Variants in RAD54B observed in about 807,000 individuals in gnomAD.
RAD54B encodes DNA repair and recombination protein RAD54B.
In RAD54B, 78 loss-of-function variants were observed where a neutral mutation model predicts 95.8. The observed-to-expected ratio is 0.81, with a 90% CI of 0.68 to 0.98. The LOEUF (loss-of-function observed/expected upper bound fraction) is 0.98. Among genes scored for constraint, RAD54B ranks in the 50% least tolerant of loss-of-function variants. RAD54B has a pLI of 0.00. For missense variants in RAD54B, 957 were observed against 1,056.6 expected, an observed-to-expected ratio of 0.91 and a Z score of 1.31; for synonymous variants, 328 against 354.9, an observed-to-expected ratio of 0.92 and a Z score of 0.85.
intron 14 of RAD54B, among the ~76,000 whole-genome samples, chr8:94,377,206 C>T (rs1248414390): frequency 2.0e-5 from 3 of 152,210 alleles, no homozygotes; most frequent in South Asian, 2.1e-4. Flanking sequence ...ATTCTGTCAA[C>T]TGTATGTTTT....
At chr8:94,410,382 T>A (rs535908382) in intron 4 of RAD54B, among the ~76,000 whole-genome samples, 1 of 152,338 alleles carries the variant, frequency 6.6e-6, no homozygotes, top group Non-Finnish European at 1.5e-5. Context: ...ATTACTTTGC[T>A]TTGTTCCCAC....
At chr8:94,410,340 G>C (rs923580608) in intron 4 of RAD54B, among the ~76,000 whole-genome samples, 2 of 152,124 alleles carry the variant, frequency 1.3e-5, no homozygotes, top group African/African-American at 4.8e-5. Flanking sequence ...ACTTCTCATT[G>C]AAACAACTGT....
At chr8:94,429,201 GTCACCTAACACACTAAAGAAAAAGCAA>G in intron 3 of RAD54B, 1 of 750,328 alleles carries the variant, frequency 1.3e-6, no homozygotes, top group Non-Finnish European at 1.6e-6. Flanking sequence ...AATGAATTGT[GTCACCTAACACACTAAAGAAAAAGCAA>G]TCTTAAACAA....
chr8:94,466,431 G>A (rs903041840), intron 2 of RAD54B, among the ~76,000 whole-genome samples: 3 of 150,706 alleles, frequency 2.0e-5, no homozygotes, highest in African/African-American at 4.9e-5. Flanking sequence ...TGGGGGGGAC[G>A]GAGTCTTGCT....
chr8:94,375,413 A>T (rs573520765), intron 14 of RAD54B, among the ~76,000 whole-genome samples: 7 of 152,134 alleles, frequency 4.6e-5, no homozygotes, highest in Admixed American at 1.3e-4. Context: ...GTCTCACGAG[A>T]TCTGATGGTT....
chr8:94,452,967 C>A (rs543497727), intron 3 of RAD54B, among the ~76,000 whole-genome samples: 1 of 152,264 alleles, frequency 6.6e-6, no homozygotes, highest in South Asian at 2.1e-4. Context: ...GCACTCCTCA[C>A]GCATTGCTGA....
In RAD54B at chr8:94,391,824, G is replaced by A; in HGVS notation, c.1594C>T (p.Gln532Ter). Reference protein sequence around the residue: ...LTGLFILRRTQEIINKYLPPK... With the variant: ...LTGLFILRRT ...GGGAGATATTTATTTATAATTTCTT[G>A]GGTTCTTCTAAGGATAAAGAGTCCA... The change falls in exon 10 of 15, where the codon CAA (glutamine) becomes TAA (stop). Residue 532 changes from glutamine to a stop codon, truncating the protein, a stop_gained. Coordinates refer to ENST00000336148, the MANE Select transcript of RAD54B (RefSeq NM_012415.3). LOFTEE classifies it high-confidence loss of function. The A allele has an allele frequency of 1.9e-6, 3 of 1,613,882 alleles. No homozygotes were observed. Among genetic ancestry groups the A allele is most frequent in the Non-Finnish European group, 2.5e-6 (3 of 1,179,904 alleles).
chr8:94,378,438 G>C (rs1810652491), intron 13 of RAD54B, 58 bp from the exon 14 acceptor site: 2 of 1,519,992 alleles, frequency 1.3e-6, no homozygotes, highest in East Asian at 4.6e-5. Flanking sequence ...TATTTTTGTT[G>C]GGTATAATGT....
intron 3 of RAD54B, among the ~76,000 whole-genome samples, chr8:94,425,527 A>T (rs1329410586): frequency 6.6e-6 from 1 of 152,188 alleles, no homozygotes. Context: ...GCATTAACAT[A>T]TAACTGCAAT....
chr8:94,419,871 A>G (rs994928105), intron 3 of RAD54B, among the ~76,000 whole-genome samples: 4 of 152,162 alleles, frequency 2.6e-5, no homozygotes, highest in African/African-American at 9.7e-5. Context: ...CATGTACCAC[A>G]CAACAAGGTT....
At chr8:94,378,095 T>C in intron 14 of RAD54B, 85 bp downstream of exon 14, 1 of 1,056,446 alleles carries the variant, frequency 9.5e-7, no homozygotes, top group East Asian at 2.7e-5. Flanking sequence ...GTAAATATTA[T>C]AAAGTTATTC....
At chr8:94,429,207 T>A in intron 3 of RAD54B, 4 of 714,240 alleles carry the variant, frequency 5.6e-6, no homozygotes, top group Non-Finnish European at 6.9e-6. Flanking sequence ...TTGTGTCACC[T>A]AACACACTAA....
At position 94,442,441 on chromosome 8, in the gene RAD54B, GGCA is replaced by G. The variant is rs1275106644; in HGVS notation, c.304+15824_304+15826del. ...ATACAAAACATTAGCCAGGCGTGGT[GGCA>G]GGCGCCTGTAGTCCCAGCTACTCGG... On this transcript the variant is annotated intron_variant, in intron 3 of 14. Transcript: ENST00000336148. 1.1e-4 allele frequency among the ~76,000 whole-genome samples: 17 copies of G among 152,148 alleles called. No homozygotes were observed. The East Asian group carries it at 3.1e-3, about 28-fold the overall frequency.
At position 94,452,497 on chromosome 8, in the gene RAD54B, A is replaced by C. The variant is rs1812683322; in HGVS notation, c.304+5771T>G. ...TGTGGAAGTTTTTTATACTATCCTT[A>C]ATTTTTTCTTTTTTCTTTTTTTGAG... is the stretch of plus-strand genomic sequence containing the variant. On this transcript the variant is annotated intron_variant, in intron 3 of 14. Transcript: ENST00000336148. Among the ~76,000 whole-genome samples, 5 of 151,160 alleles carry C rather than the reference A, an allele frequency of 3.3e-5. No individual in the cohort carries two copies. The Admixed American group carries it at 3.3e-4, about 10-fold the overall frequency.
Position 94,380,263 on chromosome 8 carries a change from T to G in RAD54B, c.2129A>C (p.His710Pro). The change falls in exon 12 of 15, where the codon CAC (histidine) becomes CCC (proline). Residue 710 changes from histidine to proline, a missense_variant. His to Pro is a moderately conservative substitution (Grantham distance 77, BLOSUM62 -2). Transcript: ENST00000336148. The part of the protein sequence containing the change: ...QQIVDGFNSQ[H>P]SSFFIFLLSS... ...TAACAAAAAAATAAAAAAAGAAGAG[T>G]GTTGACTGTTAAAGCCATCAACAAT... 6.2e-7 allele frequency: 1 copy of G among 1,613,882 alleles called. No homozygotes were observed. Among genetic ancestry groups the G allele is most frequent in the African/African-American group, 1.3e-5 (1 of 74,990 alleles).
intron 3 of RAD54B, among the ~76,000 whole-genome samples, chr8:94,440,268 T>C (rs1025240392): frequency 2.0e-5 from 3 of 152,128 alleles, no homozygotes; most frequent in Non-Finnish European, 2.9e-5. Flanking sequence ...CCTATGTAAA[T>C]TGTAATTGAT....
intron 3 of RAD54B, chr8:94,432,429 A>G: frequency 1.3e-6 from 2 of 1,550,472 alleles, no homozygotes; most frequent in East Asian, 2.4e-5. Context: ...TGTCATTCTC[A>G]TATCAACAGA....
intron 11 of RAD54B, among the ~76,000 whole-genome samples, chr8:94,385,171 A>G (rs865980586): frequency 1.3e-5 from 2 of 152,020 alleles, no homozygotes; most frequent in Admixed American, 6.6e-5. Flanking sequence ...TAATCATTAT[A>G]TTTTTCTTCA....
At chr8:94,427,840 T>C in intron 3 of RAD54B, 1 of 961,290 alleles carries the variant, frequency 1.0e-6, no homozygotes, top group African/African-American at 1.8e-5. Context: ...TATTTAAAAG[T>C]TGACATTACT....
Sources: gnomAD v4.1 joint callset for allele counts (sites outside exome capture counted in the v4.1 genomes callset) on GRCh38, gnomAD v4.1.1 for gene constraint, MANE v1.5 for transcripts, NCBI Gene and HGNC (gene_info 2026-07-23, HGNC 2026-07-21) for gene names.